PTCH1: variants seen among roughly 807,000 people sequenced by gnomAD.
PTCH1 encodes the protein protein patched homolog 1.
A neutral mutation model predicts 144.6 loss-of-function variants in PTCH1; 14 were observed. The ratio of observed to expected loss-of-function variants is 0.10; its 90% CI spans 0.06 to 0.15. The LOEUF (loss-of-function observed/expected upper bound fraction) is 0.15. Ranked by LOEUF, PTCH1 falls within the 10% of genes least tolerant of loss-of-function variation. The probability of loss-of-function intolerance (pLI) is 1.00; values close to 1 mark genes in which losing one functional copy is unlikely to be tolerated. For missense variants in PTCH1, 1,623 were observed against 1,948.3 expected (o/e 0.83, Z 3.14); for synonymous variants, 833 against 793.6 (o/e 1.05, Z -0.83).
intron 16 of PTCH1, 149 bp from the exon 17 acceptor site, chr9:95,459,932 C>T (rs1839318034): frequency 2.4e-6 from 2 of 844,538 alleles, no homozygotes; most frequent in Admixed American, 2.0e-5. Context: ...CCCATCAGAA[C>T]ACCTTTGATT....
chr9:95,474,440 CAG>C (rs945499792), intron 12 of PTCH1, among the ~76,000 whole-genome samples: 3 of 152,180 alleles, frequency 2.0e-5, no homozygotes, highest in Admixed American at 6.5e-5. Context: ...ACTGAGCAAT[CAG>C]AGAGAGTTTC....
chr9:95,478,940 G>A, intron 8 of PTCH1, 60 bp downstream of exon 8: 3 of 1,609,224 alleles, frequency 1.9e-6, no homozygotes, highest in Non-Finnish European at 1.7e-6. Flanking sequence ...TTTAAATAAT[G>A]GTGAAAATGA....
At chr9:95,500,710 G>A (rs1327849807) in intron 2 of PTCH1, among the ~76,000 whole-genome samples, 1 of 152,194 alleles carries the variant, frequency 6.6e-6, no homozygotes, top group Non-Finnish European at 1.5e-5. Context: ...GAAACATCTG[G>A]AGGAGAATGA....
chr9:95,458,310 A>C lies in PTCH1; in HGVS notation c.2888-17T>G, dbSNP rs761413762. On this transcript the variant is annotated splice_polypyrimidine_tract_variant and intron_variant, in intron 17 of 23. Coordinates refer to ENST00000331920, the MANE Select transcript of PTCH1 (RefSeq NM_000264.5). This position sits in a 1 kb window ranked among gnomAD's most constrained non-coding sequence, Gnocchi z 4.7. ...CTGCCGGGACTGGACAGAGAAGGGC[A>C]CAGGTTAGGAGCAGCCCAGGGTAGA... 6.2e-7 allele frequency: 1 copy of C among 1,612,832 alleles called. No individual in the cohort carries two copies. Among genetic ancestry groups the C allele is most frequent in the South Asian group, 1.1e-5 (1 of 90,806 alleles).
At chr9:95,493,547 C>A (rs1270134058) in intron 2 of PTCH1, among the ~76,000 whole-genome samples, 10 of 152,118 alleles carry the variant, frequency 6.6e-5, no homozygotes, top group Admixed American at 6.6e-4. Context: ...AACAAATGAC[C>A]CTTTCAGCCT....
chr9:95,505,866 G>A (rs1434304369), intron 2 of PTCH1, among the ~76,000 whole-genome samples: 4 of 148,866 alleles, frequency 2.7e-5, no homozygotes, highest in Admixed American at 6.7e-5. Flanking sequence ...CGCCGCCTCC[G>A]CAGCCCCGCG....
At position 95,485,762 on chromosome 9, in the gene PTCH1, G is replaced by C. The variant is rs1490972795; in HGVS notation, c.507C>G (p.Val169=). 1 of 1,614,192 alleles carries C rather than the reference G, an allele frequency of 6.2e-7. No homozygotes were observed. Among genetic ancestry groups the C allele is most frequent in the Non-Finnish European group, 8.5e-7 (1 of 1,180,034 alleles). ...GTTGTAGGAGCGCTTCTGTGGTCAG[G>C]ACATTAGCACCTTCTTCTTTAGGGG... ...IQTPKEEGAN[V]LTTEALLQHL... Residue 169 remains valine, a synonymous_variant, in exon 3 of 24, where the codon GTC becomes GTG. Transcript: ENST00000331920.
chr9:95,485,120 C>T (rs1426347064), intron 3 of PTCH1, among the ~76,000 whole-genome samples: 3 of 152,054 alleles, frequency 2.0e-5, no homozygotes, highest in South Asian at 2.1e-4. Flanking sequence ...GCATGAGAAT[C>T]GCTTAAACCC....
chr9:95,446,217 T>G lies in PTCH1; in HGVS notation c.*176A>C. The G allele has an allele frequency of 2.6e-6, 1 of 385,544 alleles. No individual in the cohort carries two copies. The highest frequency in any genetic ancestry group is 3.2e-5 in the Admixed American group (1 of 31,048). The allele number at this position is 385,544 out of a possible 1,614,324, so 23.9% of individuals were successfully genotyped here. ...ATTACACATGTGTACATCTCTTAAA[T>G]ATTTATAGAAATATTTAACAAAATA... On this transcript the variant is annotated 3_prime_UTR_variant, in exon 24 of 24. Coordinates refer to ENST00000331920, the MANE Select transcript of PTCH1 (RefSeq NM_000264.5).
At chr9:95,504,736 C>A (rs1033601355) in intron 2 of PTCH1, among the ~76,000 whole-genome samples, 2 of 152,196 alleles carry the variant, frequency 1.3e-5, no homozygotes, top group African/African-American at 4.8e-5. Flanking sequence ...CTTCCCCTAC[C>A]GTCTCCAGTT....
chr9:95,508,087 T>G (rs917121634), intron 1 of PTCH1, 74 bp downstream of exon 1: 22 of 1,595,440 alleles, frequency 1.4e-5, no homozygotes, highest in South Asian at 3.4e-5. Context: ...GTGTGTGTGT[T>G]TGTGTGTGGC....
chr9:95,455,679 C>G (rs1420057818), intron 19 of PTCH1, among the ~76,000 whole-genome samples: 11 of 152,210 alleles, frequency 7.2e-5, no homozygotes, highest in South Asian at 4.1e-4. Context: ...AACACTGGTT[C>G]TCTTACTTTC....
chr9:95,477,449 G>C (rs1841140432), intron 10 of PTCH1, 98 bp downstream of exon 10: 2 of 1,520,634 alleles, frequency 1.3e-6, no homozygotes, highest in Admixed American at 1.7e-5. Context: ...GACCCTTCCG[G>C]TGAGAAGGAC....
At chr9:95,497,918 A>C in intron 2 of PTCH1, among the ~76,000 whole-genome samples, 1 of 55,602 alleles carries the variant, frequency 1.8e-5, no homozygotes, top group South Asian at 6.7e-4. Flanking sequence ...CATCCTCTCA[A>C]TCTCGCACTC....
rs200100952 is a variant in PTCH1 at position 95,447,229 on chromosome 9, C to A, written c.4027G>T (p.Gly1343Trp). 1 of 1,611,580 alleles carries A rather than the reference C, an allele frequency of 6.2e-7. No individual in the cohort carries two copies. Among genetic ancestry groups the A allele is most frequent in the African/African-American group, 1.3e-5 (1 of 75,056 alleles). The stretch of plus-strand genomic sequence containing the variant: ...TTCCGAGGGTTGTGAGAACGGGCCC[C>A]GCGAGGGCCCCAGCGGGCCCTATTG... ...PSNRARWGPR[G>W]ARSHNPRNPA... The change falls in exon 23 of 24, where the codon GGG (glycine) becomes TGG (tryptophan). Residue 1343 changes from glycine (G) to tryptophan (W), a missense_variant. Physicochemically the swap from Gly to Trp is radical, Grantham distance 184. Coordinates refer to ENST00000331920, the MANE Select transcript of PTCH1 (RefSeq NM_000264.5).
chr9:95,455,873 C>T (rs1297814601), intron 19 of PTCH1, among the ~76,000 whole-genome samples: 1 of 152,184 alleles, frequency 6.6e-6, no homozygotes, highest in Non-Finnish European at 1.5e-5. Context: ...CTCATTTTAT[C>T]CCCACTGTTC....
rs2118339194 is a variant in PTCH1 at position 95,478,174 on chromosome 9, T to A, written c.1228A>T (p.Ser410Cys). The A allele has an allele frequency of 6.2e-7, 1 of 1,614,186 alleles. No individual in the cohort carries two copies. Among genetic ancestry groups the A allele is most frequent in the East Asian group, 2.2e-5 (1 of 44,876 alleles). ...TTTTGAGTGGAGTTCTGTGCGACACTCTGATGAACCACCTGTGGTCACAAC... is the reference window on the plus strand; with the variant it reads ...TTTTGAGTGGAGTTCTGTGCGACACACTGATGAACCACCTGTGGTCACAAC... ...QRTYVEVVHQ[S>C]VAQNSTQKVL... is the part of the protein sequence containing the mutation. The change falls in exon 9 of 24, where the codon AGT becomes TGT. Residue 410 changes from serine to cysteine, a missense_variant. Ser to Cys is a moderately radical substitution (Grantham distance 112, BLOSUM62 -1). Transcript: ENST00000331920.
At chr9:95,452,790 A>G (rs956227586) in intron 20 of PTCH1, 6 of 153,326 alleles carry the variant, frequency 3.9e-5, no homozygotes, top group African/African-American at 1.4e-4. Flanking sequence ...TCAGGTGACA[A>G]TTTTAGGTAT....
intron 12 of PTCH1, among the ~76,000 whole-genome samples, chr9:95,470,785 A>G (rs1044928595): frequency 2.0e-5 from 3 of 152,096 alleles, no homozygotes; most frequent in Admixed American, 2.0e-4. Context: ...TTTGAAAATA[A>G]AAAACGAGGC....
Sources: gnomAD v4.1 joint callset for allele counts (sites outside exome capture counted in the v4.1 genomes callset) on GRCh38, gnomAD v4.1.1 for gene constraint, Gnocchi (gnomAD v3.1) non-coding constraint, MANE v1.5 for transcripts, NCBI Gene and HGNC (gene_info 2026-07-23, HGNC 2026-07-21) for gene names.